Variants in MYH11 observed in about 807,000 individuals in gnomAD.
MYH11 encodes the protein myosin-11.
A neutral mutation model predicts 246.6 loss-of-function variants in MYH11; 80 were observed. That is an observed-to-expected ratio of 0.32 (90% confidence interval 0.27 to 0.39). The LOEUF (loss-of-function observed/expected upper bound fraction) is 0.39, where lower values mean the gene tolerates loss of function less well. Ranked by LOEUF, MYH11 falls within the 10% of genes least tolerant of loss-of-function variation. The pLI, the probability that MYH11 is intolerant of heterozygous loss-of-function variation, is 1.00. For missense variants in MYH11, 2,158 were observed against 2,546.8 expected, an observed-to-expected ratio of 0.85 and a Z score of 3.29; for synonymous variants, 1,071 against 1,015.5, an observed-to-expected ratio of 1.05 and a Z score of -1.04.
Position 15,758,277 on chromosome 16 carries a change from T to C in MYH11, c.1402-277A>G, listed in dbSNP as rs528553734. Among the ~76,000 whole-genome samples the C allele has an allele frequency of 7.2e-4, 109 of 152,322 alleles. 1 individual carries two copies. Among genetic ancestry groups the C allele is most frequent in the African/African-American group, 2.5e-3 (105 of 41,578 alleles). On this transcript the variant is annotated intron_variant, in intron 12 of 40. Transcript: ENST00000300036. Reference sequence around the variant, plus strand: ...GATGGACAAACCTCGTAAGGCACGCTACTGCATGTACAGATGTGGAAACAT... The same window carrying C: ...GATGGACAAACCTCGTAAGGCACGCCACTGCATGTACAGATGTGGAAACAT...
At chr16:15,827,585 T>TC (rs2043605931) in intron 2 of MYH11, among the ~76,000 whole-genome samples, 1 of 152,062 alleles carries the variant, frequency 6.6e-6, no homozygotes, top group East Asian at 1.9e-4. Context: ...CCCAGGACCC[T>TC]CCCACCCATC....
chr16:15,707,566 C>T (rs1018652224), intron 40 of MYH11, among the ~76,000 whole-genome samples: 8 of 152,162 alleles, frequency 5.3e-5, no homozygotes, highest in African/African-American at 1.9e-4. Context: ...AAGACCTCAC[C>T]CTGCGCTTTA....
At chr16:15,773,484 T>C (rs1040860167) in intron 8 of MYH11, among the ~76,000 whole-genome samples, 3 of 151,822 alleles carry the variant, frequency 2.0e-5, no homozygotes, top group African/African-American at 4.8e-5. Flanking sequence ...CGGGGTTTCA[T>C]CATGTTGGCT....
At position 15,718,509 on chromosome 16, in the gene MYH11, C is replaced by T. The variant is rs1024380067; in HGVS notation, c.5172-71G>A. On this transcript the variant is annotated intron_variant, in intron 36 of 40. Transcript: ENST00000300036. ...TTAAAAGATGCCCCCTCCTTGGAGT[C>T]ATGCCTCAGGGGTATTGCCCTCATC... 7.2e-6 allele frequency: 11 copies of T among 1,527,892 alleles called. No homozygotes were observed. The African/African-American group carries it at 1.2e-4, about 17-fold the overall frequency. The allele number at this position is 1,527,892 out of a possible 1,614,324, so 94.6% of individuals were successfully genotyped here.
At chr16:15,807,309 C>T (rs554328786) in intron 3 of MYH11, among the ~76,000 whole-genome samples, 1 of 152,086 alleles carries the variant, frequency 6.6e-6, no homozygotes, top group Non-Finnish European at 1.5e-5. Context: ...CTTGCTTATC[C>T]TTGCTTTTGA....
At chr16:15,705,907 C>T (rs779810298) in intron 40 of MYH11, among the ~76,000 whole-genome samples, 28 of 140,912 alleles carry the variant, frequency 2.0e-4, no homozygotes, top group Non-Finnish European at 3.5e-4. Flanking sequence ...ATGACATGAA[C>T]CCAGGAGGCG....
chr16:15,817,936 G>A (rs2043303191), intron 3 of MYH11, among the ~76,000 whole-genome samples: 3 of 152,124 alleles, frequency 2.0e-5, no homozygotes, highest in African/African-American at 4.8e-5. Context: ...ACCCTGGTAG[G>A]TTCTTTTCTA....
In MYH11 at chr16:15,719,674, G is replaced by A. The variant is rs768569707; in HGVS notation, c.4993C>T (p.Arg1665Cys). 71 of 1,614,018 alleles carry A rather than the reference G, an allele frequency of 4.4e-5. No homozygotes were observed. The highest frequency in any genetic ancestry group is 4.5e-5 in the East Asian group (2 of 44,888). The change falls in exon 35 of 41, where the codon CGT becomes TGT. Residue 1665 changes from arginine to cysteine, a missense_variant. Physicochemically the swap from Arg to Cys is radical, Grantham distance 180. Around this residue, in one of 11 missense-constraint regions of MYH11, gnomAD observed 1,013 missense variants for 993.5 expected, o/e 1.02. Coordinates refer to ENST00000300036, the MANE Select transcript of MYH11 (RefSeq NM_002474.3). ...KDFQRELEDA[R>C]ASRDEIFATA... ...GCAAAGATCTCATCTCTGGAGGCACGGGCATCTTCCAGCTCTCTTTGAAAG... is the reference window on the plus strand; with the variant it reads ...GCAAAGATCTCATCTCTGGAGGCACAGGCATCTTCCAGCTCTCTTTGAAAG...
At chr16:15,716,433 A>C (rs2040144051) in intron 38 of MYH11, among the ~76,000 whole-genome samples, 2 of 152,204 alleles carry the variant, frequency 1.3e-5, no homozygotes, top group African/African-American at 4.8e-5. Context: ...TGCTGTGATC[A>C]TATGCCTCAT....
chr16:15,826,634 G>T (rs1361617474), intron 2 of MYH11, among the ~76,000 whole-genome samples: 1 of 151,760 alleles, frequency 6.6e-6, no homozygotes, highest in Non-Finnish European at 1.5e-5. Context: ...GTCCTTCCAG[G>T]GCTCAGTCCA....
At chr16:15,763,741 T>TCGGCCCCCCCCCC in intron 10 of MYH11, 55 bp downstream of exon 10, 1 of 646,854 alleles carries the variant, frequency 1.5e-6, no homozygotes, top group Non-Finnish European at 2.9e-6. Flanking sequence ...AAATGTCACC[T>TCGGCCCCCCCCCC]CCCCCACCCC....
chr16:15,787,716 G>T (rs1021515803), intron 4 of MYH11, among the ~76,000 whole-genome samples: 3 of 151,848 alleles, frequency 2.0e-5, no homozygotes, highest in Non-Finnish European at 4.4e-5. Flanking sequence ...CTCGTGATCC[G>T]CCTGCAGACA....
At chr16:15,747,825 T>A in intron 18 of MYH11, 49 bp downstream of exon 18, 1 of 1,612,134 alleles carries the variant, frequency 6.2e-7, no homozygotes, top group Non-Finnish European at 8.5e-7. Context: ...GAGCAGCAGG[T>A]GGCTTGCGGC....
At chr16:15,763,741 T>TCGCCC in intron 10 of MYH11, 55 bp downstream of exon 10, 10 of 646,852 alleles carry the variant, frequency 1.5e-5, no homozygotes, top group African/African-American at 2.1e-5. Context: ...AAATGTCACC[T>TCGCCC]CCCCCACCCC....
At chr16:15,733,636 A>G (rs1341778625) in intron 26 of MYH11, among the ~76,000 whole-genome samples, 1 of 144,210 alleles carries the variant, frequency 6.9e-6, no homozygotes, top group Non-Finnish European at 1.5e-5. Flanking sequence ...TCTGCCTCCC[A>G]GGTTCAAGGG....
At chr16:15,759,855 G>T in intron 11 of MYH11, 127 bp from the exon 12 acceptor site, 1 of 1,224,468 alleles carries the variant, frequency 8.2e-7, no homozygotes, top group South Asian at 1.4e-5. Context: ...CCAGCACTTT[G>T]GGAGGCCGAG....
chr16:15,726,816 C>T (rs1450055068), intron 28 of MYH11, 32 bp downstream of exon 28: 40 of 1,608,312 alleles, frequency 2.5e-5, no homozygotes, highest in Non-Finnish European at 3.3e-5. Context: ...CCACCCAGCA[C>T]TGCCCACCAC....
intron 3 of MYH11, among the ~76,000 whole-genome samples, chr16:15,800,486 AGCTGGTTGGACG>A (rs1171626255): frequency 6.8e-6 from 1 of 146,066 alleles, no homozygotes; most frequent in Non-Finnish European, 1.5e-5. Flanking sequence ...GTGGGTATAT[AGCTGGTTGGACG>A]GATGGTTGGA....
chr16:15,741,537 C>T lies in MYH11; in HGVS notation c.2785G>A (p.Ala929Thr). The T allele has an allele frequency of 6.2e-7, 1 of 1,610,462 alleles. No homozygotes were observed. Among genetic ancestry groups the T allele is most frequent in the Non-Finnish European group, 8.5e-7 (1 of 1,180,020 alleles). ...ELEEILHEME[A>T]RLEEEEDRGQ... is the part of the protein sequence containing the mutation. ...CTGTCTTCCTCCTCCTCCAGGCGGGCCTCCATCTCATGCAGTATCTCCTCC... is the reference window on the plus strand; with the variant it reads ...CTGTCTTCCTCCTCCTCCAGGCGGGTCTCCATCTCATGCAGTATCTCCTCC... The change falls in exon 22 of 41, where the codon GCC becomes ACC. Residue 929 changes from alanine (A) to threonine (T), a missense_variant. Physicochemically the swap from Ala to Thr is moderately conservative, Grantham distance 58. Coordinates refer to ENST00000300036, the MANE Select transcript of MYH11 (RefSeq NM_002474.3).
Sources: gnomAD v4.1 joint callset for allele counts (sites outside exome capture counted in the v4.1 genomes callset) on GRCh38, gnomAD v4.1.1 for gene constraint, gnomAD v4.1.1 regional missense constraint, MANE v1.5 for transcripts, NCBI Gene and HGNC (gene_info 2026-07-23, HGNC 2026-07-21) for gene names.